Variants in PCLO observed in about 807,000 individuals in gnomAD.
PCLO encodes the protein protein piccolo.
Under a neutral mutation model 427.5 loss-of-function variants are expected in PCLO, and 82 were observed. The ratio of observed to expected loss-of-function variants is 0.19; its 90% CI spans 0.16 to 0.23. The LOEUF (loss-of-function observed/expected upper bound fraction) is 0.23. Ranked by LOEUF, PCLO falls within the 10% of genes least tolerant of loss-of-function variation. The pLI is 1.00. For missense variants in PCLO, 6,239 were observed against 6,115.9 expected (o/e 1.02, Z -0.67); for synonymous variants, 2,357 against 2,155.4 (o/e 1.09, Z -2.59).
intron 2 of PCLO, 59 bp downstream of exon 2, chr7:83,154,689 A>C (rs1272482681): frequency 2.4e-6 from 3 of 1,229,514 alleles, no homozygotes; most frequent in Non-Finnish European, 3.6e-6. Flanking sequence ...GTTAAGCATC[A>C]TTTGTATAAG....
Position 82,915,366 on chromosome 7 carries a change from T to G in PCLO, c.12620A>C (p.Gln4207Pro), listed in dbSNP as rs751469428. 1.2e-6 allele frequency: 2 copies of G among 1,613,370 alleles called. No individual in the cohort carries two copies. Residue 4207 changes from glutamine (Q) to proline (P), a missense_variant, in exon 7 of 25, where the codon CAA becomes CCA. Transcript: ENST00000333891. Reference protein sequence around the residue: ...DPKMSKFSPIQESRDLEPDYS... With the variant: ...DPKMSKFSPIPESRDLEPDYS... The stretch of plus-strand genomic sequence containing the variant: ...ATCAGGTTCAAGGTCTCTACTTTCT[T>G]GAATAGGTGAAAATTTTGACATTTT...
At chr7:83,057,447 T>G (rs1269397974) in intron 3 of PCLO, among the ~76,000 whole-genome samples, 1 of 137,862 alleles carries the variant, frequency 7.3e-6, no homozygotes, top group Non-Finnish European at 1.5e-5. Flanking sequence ...CTGAAAGCTC[T>G]GCCTCCTGGG....
At chr7:83,046,472 C>G (rs1459696994) in intron 3 of PCLO, among the ~76,000 whole-genome samples, 1 of 152,012 alleles carries the variant, frequency 6.6e-6, no homozygotes, top group Non-Finnish European at 1.5e-5. Flanking sequence ...GGTAAGAATT[C>G]TAGTTCCCCA....
At chr7:83,040,274 A>T (rs1170019602) in intron 3 of PCLO, among the ~76,000 whole-genome samples, 2 of 151,998 alleles carry the variant, frequency 1.3e-5, no homozygotes, top group South Asian at 4.1e-4. Context: ...CTATTCTCCC[A>T]CTCTGTCCAC....
intron 6 of PCLO, among the ~76,000 whole-genome samples, chr7:82,924,296 C>A (rs1278543778): frequency 6.6e-6 from 1 of 151,932 alleles, no homozygotes; most frequent in African/African-American, 2.4e-5. Flanking sequence ...GATTATCTTG[C>A]CTTGTTATAA....
chr7:83,008,570 G>C (rs892932853), intron 3 of PCLO, among the ~76,000 whole-genome samples: 25 of 68,212 alleles, frequency 3.7e-4, no homozygotes, highest in African/African-American at 2.4e-3. Context: ...CAAAGTTCAC[G>C]GTCTTTCCAC....
intron 2 of PCLO, among the ~76,000 whole-genome samples, chr7:83,149,175 G>T (rs1366003211): frequency 1.3e-5 from 2 of 152,142 alleles, no homozygotes; most frequent in African/African-American, 4.8e-5. Flanking sequence ...TCCCAGTGAA[G>T]ATTAAGAAAG....
In PCLO at chr7:83,162,404, C is replaced by T; in HGVS notation, c.189G>A (p.Ala63=). 6.3e-7 allele frequency: 1 copy of T among 1,598,584 alleles called. No homozygotes were observed. Among genetic ancestry groups the T allele is most frequent in the Non-Finnish European group, 8.5e-7 (1 of 1,172,474 alleles). ...GGACGCTTCCCTTGGGCAGCCCCTG[C>T]GCCCTTGACATGACAGCGGCGATCT... is the stretch of plus-strand genomic sequence containing the variant. ...RRQIAAVMSR[A]QGLPKGSVPP... is the part of the protein sequence containing the mutation. Residue 63 remains alanine (A), a synonymous_variant, in exon 1 of 25, where the codon GCG becomes GCA. Coordinates refer to ENST00000333891, the MANE Select transcript of PCLO (RefSeq NM_033026.6).
chr7:82,808,738 T>C (rs1791507515), intron 20 of PCLO, among the ~76,000 whole-genome samples: 1 of 151,920 alleles, frequency 6.6e-6, no homozygotes. Context: ...AGAAATTAGG[T>C]GAATAATTCA....
chr7:82,798,382 G>A (rs187828773), intron 22 of PCLO, among the ~76,000 whole-genome samples: 2 of 152,206 alleles, frequency 1.3e-5, no homozygotes, highest in East Asian at 3.9e-4. Flanking sequence ...TGACTCGTTT[G>A]TTTTTGTTCC....
chr7:82,919,612 A>G (rs1261710772), intron 6 of PCLO, among the ~76,000 whole-genome samples: 1 of 151,986 alleles, frequency 6.6e-6, no homozygotes, highest in Non-Finnish European at 1.5e-5. Context: ...GCCCACTGAG[A>G]AACCATTAGA....
chr7:82,835,229 C>A (rs1284110398), intron 16 of PCLO, among the ~76,000 whole-genome samples: 3 of 152,068 alleles, frequency 2.0e-5, no homozygotes, highest in Admixed American at 1.3e-4. Context: ...CAGGCGTGAG[C>A]CACCGTGCCT....
intron 22 of PCLO, among the ~76,000 whole-genome samples, chr7:82,793,647 G>T (rs1010069100): frequency 4.6e-5 from 7 of 152,074 alleles, no homozygotes; most frequent in African/African-American, 1.4e-4. Context: ...TTTAATAACT[G>T]CTAATGAACT....
At chr7:82,862,566 CAAAAAAAA>C (rs36075501) in intron 10 of PCLO, among the ~76,000 whole-genome samples, 1 of 92,232 alleles carries the variant, frequency 1.1e-5, no homozygotes, top group African/African-American at 4.4e-5. Context: ...GACTCTGCCT[CAAAAAAAA>C]AAAAAAAAAA....
chr7:82,771,924 T>A (rs1466391389), intron 22 of PCLO, among the ~76,000 whole-genome samples: 1 of 152,102 alleles, frequency 6.6e-6, no homozygotes, highest in Non-Finnish European at 1.5e-5. Context: ...TTCCAAAACA[T>A]TAGCTTATGA....
intron 7 of PCLO, among the ~76,000 whole-genome samples, 152 bp from the exon 8 acceptor site, chr7:82,909,165 T>C (rs1392746346): frequency 1.3e-5 from 2 of 152,112 alleles, no homozygotes; most frequent in African/African-American, 4.8e-5. Flanking sequence ...AAAATTATTT[T>C]TGTTATTATG....
chr7:82,809,769 G>T (rs2129468936), intron 20 of PCLO, among the ~76,000 whole-genome samples: 1 of 151,324 alleles, frequency 6.6e-6, no homozygotes, highest in South Asian at 2.1e-4. Context: ...CATGTTCTTT[G>T]TCAAAGAAAC....
At chr7:82,958,322 C>A (rs1795577769) in intron 4 of PCLO, among the ~76,000 whole-genome samples, 1 of 150,976 alleles carries the variant, frequency 6.6e-6, no homozygotes, top group Non-Finnish European at 1.5e-5. Flanking sequence ...CTTCATCCTT[C>A]CTTCCTTCTT....
At chr7:82,862,587 A>AAG (rs1554343276) in intron 10 of PCLO, among the ~76,000 whole-genome samples, 21 of 147,142 alleles carry the variant, frequency 1.4e-4, no homozygotes, top group African/African-American at 4.2e-4. Flanking sequence ...AAAAAAAAAA[A>AAG]GAATTGGAAG....
Sources: allele counts gnomAD v4.1 joint callset (sites outside exome capture counted in the v4.1 genomes callset), GRCh38; gene constraint gnomAD v4.1.1; transcripts MANE v1.5; gene names NCBI Gene and HGNC (gene_info 2026-07-23, HGNC 2026-07-21).